WWOX: variants seen among roughly 807,000 people sequenced by gnomAD.
The protein encoded by WWOX is WW domain-containing oxidoreductase.
Under a neutral mutation model 46.2 loss-of-function variants are expected in WWOX, and 69 were observed. The observed-to-expected ratio is 1.49, with a 90% CI of 1.23 to 1.82. WWOX has a LOEUF of 1.82. WWOX is among the 40% of genes most tolerant of loss of function. WWOX has a pLI of 0.00. For missense variants in WWOX, 919 were observed against 542.6 expected (o/e 1.69, Z -6.89); for synonymous variants, 359 against 202.6 (o/e 1.77, Z -6.56).
chr16:78,798,153 C>T (rs957094023), intron 8 of WWOX, among the ~76,000 whole-genome samples: 1 of 152,084 alleles, frequency 6.6e-6, no homozygotes, highest in African/African-American at 2.4e-5. Flanking sequence ...GACCAGAGCG[C>T]AGAGGTCATG....
intron 8 of WWOX, among the ~76,000 whole-genome samples, chr16:78,985,383 A>T (rs1388048003): frequency 6.6e-6 from 1 of 152,202 alleles, no homozygotes; most frequent in African/African-American, 2.4e-5. Context: ...CACAGGGCTA[A>T]TAGCAGTGTC....
chr16:78,318,607 A>G (rs907808760), intron 5 of WWOX, among the ~76,000 whole-genome samples: 44 of 152,296 alleles, frequency 2.9e-4, no homozygotes, highest in African/African-American at 1.0e-3. Context: ...CCATTTTCTC[A>G]GTTGTAGAAT....
intron 8 of WWOX, among the ~76,000 whole-genome samples, chr16:79,208,047 A>C (rs1254259989): frequency 6.6e-6 from 1 of 152,216 alleles, no homozygotes; most frequent in Non-Finnish European, 1.5e-5. Flanking sequence ...GTAGTTGAAG[A>C]TTGTGCTGCA....
rs543611315 is a variant in WWOX at position 78,513,362 on chromosome 16, C to T, written c.1056+80610C>T. Reference sequence around the variant, plus strand: ...TTGATAAAAGATGTAATTATTGGGTCGTAGGAAATAATGATTGAGATAGGG... The same window carrying T: ...TTGATAAAAGATGTAATTATTGGGTTGTAGGAAATAATGATTGAGATAGGG... On this transcript the variant is annotated intron_variant, in intron 8 of 8. Coordinates refer to ENST00000566780, the MANE Select transcript of WWOX (RefSeq NM_016373.4). Among the ~76,000 whole-genome samples, 22 of 152,186 alleles carry T rather than the reference C, an allele frequency of 1.4e-4. No homozygotes were observed. In the South Asian group the frequency reaches 1.5e-3, roughly 10 times the overall value.
chr16:78,778,952 C>T (rs545797784), intron 8 of WWOX, among the ~76,000 whole-genome samples: 1 of 152,270 alleles, frequency 6.6e-6, no homozygotes, highest in East Asian at 1.9e-4. Context: ...TGGCAATAAT[C>T]TGTTTGATTC....
intron 8 of WWOX, among the ~76,000 whole-genome samples, chr16:79,094,416 A>AT (rs1394888249): frequency 2.6e-5 from 4 of 151,562 alleles, no homozygotes; most frequent in African/African-American, 9.7e-5. Context: ...TGTCCAGCTA[A>AT]TTTTTTTGTA....
chr16:78,725,718 A>C (rs956334264), intron 8 of WWOX, among the ~76,000 whole-genome samples: 1 of 152,084 alleles, frequency 6.6e-6, no homozygotes, highest in African/African-American at 2.4e-5. Flanking sequence ...TCTGAAAGTG[A>C]GAAGTCCAAA....
At chr16:78,805,975 G>A (rs2051024858) in intron 8 of WWOX, among the ~76,000 whole-genome samples, 2 of 152,172 alleles carry the variant, frequency 1.3e-5, no homozygotes, top group Admixed American at 6.5e-5. Context: ...CGAGACAGAA[G>A]TGGAGGATCC....
At chr16:78,558,946 G>C (rs2044368601) in intron 8 of WWOX, among the ~76,000 whole-genome samples, 1 of 152,204 alleles carries the variant, frequency 6.6e-6, no homozygotes. Context: ...GTGGTTATCT[G>C]TTTAATTCTC....
At chr16:78,893,204 A>T (rs1002809646) in intron 8 of WWOX, among the ~76,000 whole-genome samples, 32 of 151,974 alleles carry the variant, frequency 2.1e-4, no homozygotes, top group Admixed American at 1.8e-3. Flanking sequence ...AAAAAAAAAA[A>T]AGTGGGGATG....
chr16:78,106,759 T>G (rs1489993191), intron 1 of WWOX, among the ~76,000 whole-genome samples: 3 of 152,162 alleles, frequency 2.0e-5, no homozygotes, highest in African/African-American at 7.2e-5. Context: ...TGGTGGTTGA[T>G]GTACAAAGTA....
At chr16:78,550,146 C>A (rs2151541512) in intron 8 of WWOX, among the ~76,000 whole-genome samples, 1 of 152,330 alleles carries the variant, frequency 6.6e-6, no homozygotes, top group African/African-American at 2.4e-5. Context: ...CTCTTCTTCA[C>A]TAAACCCAAA....
At chr16:78,791,946 C>A (rs1196606065) in intron 8 of WWOX, among the ~76,000 whole-genome samples, 1 of 152,124 alleles carries the variant, frequency 6.6e-6, no homozygotes, top group Non-Finnish European at 1.5e-5. Flanking sequence ...GCCTTCTCTT[C>A]ACAAGTTTTT....
intron 4 of WWOX, among the ~76,000 whole-genome samples, chr16:78,163,785 A>G (rs2034877001): frequency 6.6e-6 from 1 of 152,158 alleles, no homozygotes; most frequent in Non-Finnish European, 1.5e-5. Context: ...TGGGCACAGG[A>G]TCTGGTCATT....
At chr16:78,947,386 C>T (rs1191707016) in intron 8 of WWOX, among the ~76,000 whole-genome samples, 1 of 152,132 alleles carries the variant, frequency 6.6e-6, no homozygotes, top group Admixed American at 6.6e-5. Flanking sequence ...CCCCCCTTAG[C>T]TGTATCCCTG....
At chr16:78,735,857 A>G (rs2049079616) in intron 8 of WWOX, among the ~76,000 whole-genome samples, 1 of 152,204 alleles carries the variant, frequency 6.6e-6, no homozygotes, top group Non-Finnish European at 1.5e-5. Flanking sequence ...TGCTCTCTGC[A>G]ACAGGGCCAG....
chr16:78,337,428 A>G lies in WWOX; in HGVS notation c.517-49432A>G, dbSNP rs74029902. Among the ~76,000 whole-genome samples, 840 of 152,316 alleles carry G rather than the reference A, an allele frequency of 5.5e-3. 7 individuals are homozygous for G. The highest frequency in any genetic ancestry group is 0.019 in the African/African-American group (791 of 41,566). On this transcript the variant is annotated intron_variant, in intron 5 of 8. Coordinates refer to ENST00000566780, the MANE Select transcript of WWOX (RefSeq NM_016373.4). Reference sequence around the variant, plus strand: ...GTCCTGCCCCTGGTATGAGGGTATTAACATCTTGCATTAGTGTGGCACATT... The same window carrying G: ...GTCCTGCCCCTGGTATGAGGGTATTGACATCTTGCATTAGTGTGGCACATT...
chr16:78,408,302 T>C (rs1395182532), intron 6 of WWOX, among the ~76,000 whole-genome samples: 2 of 152,210 alleles, frequency 1.3e-5, no homozygotes, highest in African/African-American at 4.8e-5. Context: ...GCCTTCACTT[T>C]AACCTTCTGT....
intron 8 of WWOX, among the ~76,000 whole-genome samples, chr16:79,114,745 G>A (rs1210722534): frequency 3.3e-5 from 5 of 152,116 alleles, no homozygotes; most frequent in African/African-American, 1.2e-4. Context: ...CAAACCAAGG[G>A]GAGCTAAAGA....
Sources: allele counts gnomAD v4.1 joint callset (sites outside exome capture counted in the v4.1 genomes callset), GRCh38; gene constraint gnomAD v4.1.1; transcripts MANE v1.5; gene names NCBI Gene and HGNC (gene_info 2026-07-23, HGNC 2026-07-21).